The following SNCAIP variants were observed in gnomAD, a reference collection of about 807,000 sequenced individuals.
SNCAIP encodes synphilin-1.
In SNCAIP, 43 loss-of-function variants were observed where a neutral mutation model predicts 86.7. The ratio of observed to expected loss-of-function variants is 0.50; its 90% CI spans 0.39 to 0.64. The LOEUF is 0.64. Among genes scored for constraint, SNCAIP ranks in the 30% least tolerant of loss-of-function variants. The pLI is 0.00. For missense variants in SNCAIP, 981 were observed against 1,103.1 expected, an observed-to-expected ratio of 0.89 and a Z score of 1.57; for synonymous variants, 417 against 427.2, an observed-to-expected ratio of 0.98 and a Z score of 0.29.
At chr5:122,400,820 T>C (rs1019392328) in intron 2 of SNCAIP, among the ~76,000 whole-genome samples, 2 of 152,158 alleles carry the variant, frequency 1.3e-5, no homozygotes, top group African/African-American at 4.8e-5. Flanking sequence ...TCTTCAGACA[T>C]GGTAGAGAAG....
Position 122,450,529 on chromosome 5 carries a change from T to A in SNCAIP, c.1686-4T>A. ...ATCTCATATGTCCTTCATCTTCTTT[T>A]TAGTTCACCATCCTCACCTGCCTCC... is the stretch of plus-strand genomic sequence containing the variant. On this transcript the variant is annotated splice_region_variant and splice_polypyrimidine_tract_variant and intron_variant, in intron 9 of 10. Transcript: ENST00000261368. The A allele has an allele frequency of 6.2e-7, 1 of 1,607,594 alleles. No individual in the cohort carries two copies. Among genetic ancestry groups the A allele is most frequent in the Non-Finnish European group, 8.5e-7 (1 of 1,174,064 alleles).
At position 122,354,718 on chromosome 5, in the gene SNCAIP, C is replaced by G. The variant is rs61492500; in HGVS notation, c.-46-36371C>G. On this transcript the variant is annotated intron_variant, in intron 1 of 10. Transcript: ENST00000261368. Reference sequence around the variant, plus strand: ...AGGAGTTTAAACATGAGCAAAAACACAAACTAATCAAAAGCAGTAAATGAA... The same window carrying G: ...AGGAGTTTAAACATGAGCAAAAACAGAAACTAATCAAAAGCAGTAAATGAA... 8.8e-3 allele frequency among the ~76,000 whole-genome samples: 1,347 copies of G among 152,214 alleles called. 22 individuals carry two copies. Among genetic ancestry groups the G allele is most frequent in the African/African-American group, 0.031 (1,295 of 41,526 alleles).
At chr5:122,450,492 CA>C in intron 9 of SNCAIP, 40 bp from the exon 10 acceptor site, 1 of 1,413,110 alleles carries the variant, frequency 7.1e-7, no homozygotes, top group African/African-American at 1.4e-5. Flanking sequence ...CATTTCAACC[CA>C]GTAGGAAATC....
At chr5:122,337,890 T>C (rs1017499794) in intron 1 of SNCAIP, among the ~76,000 whole-genome samples, 1 of 152,236 alleles carries the variant, frequency 6.6e-6, no homozygotes, top group African/African-American at 2.4e-5. Flanking sequence ...GGTTCTCTTG[T>C]TACCTGGTTT....
chr5:122,431,622 G>A (rs560456211), intron 5 of SNCAIP, among the ~76,000 whole-genome samples: 1 of 152,228 alleles, frequency 6.6e-6, no homozygotes, highest in East Asian at 1.9e-4. Context: ...TTTGTCTTGA[G>A]TGAAGTTATA....
At chr5:122,436,793 C>G (rs1224132493) in intron 6 of SNCAIP, 1 of 152,146 alleles carries the variant, frequency 6.6e-6, no homozygotes, top group African/African-American at 2.4e-5. Flanking sequence ...CAGCAAATCT[C>G]ATAAATCACA....
At chr5:122,453,141 G>T in intron 10 of SNCAIP, 1 of 567,616 alleles carries the variant, frequency 1.8e-6, no homozygotes, top group Non-Finnish European at 3.2e-6. Flanking sequence ...CCAAGTAGAA[G>T]CAGGCACTGA....
At chr5:122,416,632 T>C (rs1412184206) in intron 3 of SNCAIP, among the ~76,000 whole-genome samples, 1 of 152,162 alleles carries the variant, frequency 6.6e-6, no homozygotes, top group Admixed American at 6.5e-5. Context: ...TCGTCCTCAC[T>C]CAGACTCCAT....
chr5:122,423,070 T>C lies in SNCAIP; in HGVS notation c.333T>C (p.Ser111=). 6.2e-7 allele frequency: 1 copy of C among 1,614,080 alleles called. No individual in the cohort carries two copies. Among genetic ancestry groups the C allele is most frequent in the East Asian group, 2.2e-5 (1 of 44,846 alleles). Residue 111 remains serine, a synonymous_variant, in exon 4 of 11, where the codon TCT becomes TCC. Coordinates refer to ENST00000261368, the MANE Select transcript of SNCAIP (RefSeq NM_005460.4). ...TTGAGTACCAGAAAGGGGGTGAGTC[T>C]GACCTGGGCCCCCAGCCTCAGGAGC... ...KVVEYQKGGE[S]DLGPQPQELG... is the part of the protein sequence containing the mutation.
At chr5:122,434,694 T>C (rs972329491) in intron 6 of SNCAIP, among the ~76,000 whole-genome samples, 3 of 152,162 alleles carry the variant, frequency 2.0e-5, no homozygotes, top group African/African-American at 7.2e-5. Context: ...AGAAGCCCAT[T>C]AGAACTGCAA....
intron 1 of SNCAIP, among the ~76,000 whole-genome samples, chr5:122,351,266 G>T (rs1218245492): frequency 1.3e-5 from 2 of 152,060 alleles, no homozygotes; most frequent in Non-Finnish European, 1.5e-5. Flanking sequence ...GCCAGGCGCG[G>T]TCGCTCACAT....
intron 8 of SNCAIP, among the ~76,000 whole-genome samples, chr5:122,447,317 G>C (rs1782538993): frequency 6.6e-6 from 1 of 152,204 alleles, no homozygotes; most frequent in Non-Finnish European, 1.5e-5. Flanking sequence ...CACCCAGTTT[G>C]TGGTACTTCC....
intron 10 of SNCAIP, among the ~76,000 whole-genome samples, chr5:122,462,125 G>A (rs1406352931): frequency 6.6e-6 from 1 of 152,092 alleles, no homozygotes; most frequent in Non-Finnish European, 1.5e-5. Context: ...TTATGTGTTA[G>A]TATATAGAGA....
intron 1 of SNCAIP, among the ~76,000 whole-genome samples, chr5:122,338,906 C>A (rs1197989540): frequency 2.6e-5 from 4 of 151,972 alleles, no homozygotes; most frequent in Non-Finnish European, 5.9e-5. Context: ...GACATTTGAC[C>A]AAGAGAATGA....
chr5:122,439,793 T>C (rs1408872371), intron 6 of SNCAIP, among the ~76,000 whole-genome samples: 1 of 152,220 alleles, frequency 6.6e-6, no homozygotes, highest in Admixed American at 6.5e-5. Flanking sequence ...TTTTTAACTT[T>C]ATATTTAATC....
At chr5:122,444,372 C>A in intron 7 of SNCAIP, 191 bp from the exon 8 acceptor site, 1 of 644,570 alleles carries the variant, frequency 1.6e-6, no homozygotes. Context: ...CTTATGTGGG[C>A]TGCAGATGAG....
At chr5:122,343,993 T>A (rs1196100791) in intron 1 of SNCAIP, among the ~76,000 whole-genome samples, 1 of 152,182 alleles carries the variant, frequency 6.6e-6, no homozygotes, top group Non-Finnish European at 1.5e-5. Flanking sequence ...TTTCAGATAC[T>A]TCTGCCCAAG....
In SNCAIP at chr5:122,423,207, C is replaced by G; in HGVS notation, c.470C>G (p.Pro157Arg). The change falls in exon 4 of 11, where the codon CCT becomes CGT. Residue 157 changes from proline (P) to arginine (R), a missense_variant. Pro to Arg is a moderately radical substitution (Grantham distance 103). Transcript: ENST00000261368. ...DLDMDEILDV[P>R]YIKSSQQLAS... is the part of the protein sequence containing the mutation. ...GACATGGATGAGATTCTGGATGTGC[C>G]TTATATTAAATCCAGTCAGCAGCTT... is the stretch of plus-strand genomic sequence containing the variant. The G allele has an allele frequency of 6.2e-7, 1 of 1,614,086 alleles. No individual in the cohort carries two copies. Among genetic ancestry groups the G allele is most frequent in the South Asian group, 1.1e-5 (1 of 91,078 alleles).
intron 1 of SNCAIP, among the ~76,000 whole-genome samples, chr5:122,380,648 G>T (rs1766527225): frequency 6.8e-6 from 1 of 147,802 alleles, no homozygotes; most frequent in Non-Finnish European, 1.5e-5. Context: ...GTCAATTTTG[G>T]ATCTTTCCTG....
Sources: allele counts gnomAD v4.1 joint callset (sites outside exome capture counted in the v4.1 genomes callset), GRCh38; gene constraint gnomAD v4.1.1; transcripts MANE v1.5; gene names NCBI Gene and HGNC (gene_info 2026-07-23, HGNC 2026-07-21).